Variants in ITPK1 observed in about 807,000 individuals in gnomAD.
ITPK1 encodes inositol 1,3,4-trisphosphate 5/6-kinase.
ITPK1 carries 21 observed loss-of-function variants against 45.3 expected under a neutral mutation model. The ratio of observed to expected loss-of-function variants is 0.46; its 90% CI spans 0.33 to 0.67. The LOEUF (loss-of-function observed/expected upper bound fraction) is 0.67, where lower values mean the gene tolerates loss of function less well. Among genes scored for constraint, ITPK1 ranks in the 30% least tolerant of loss-of-function variants. ITPK1 has a pLI of 0.02. For synonymous variants in ITPK1, 258 were observed against 253.6 expected (o/e 1.02, Z -0.16); for missense variants, 474 against 573.5 (o/e 0.83, Z 1.77).
chr14:92,997,312 G>C lies in ITPK1; in HGVS notation c.247-3315C>G, dbSNP rs1241451425. Among the ~76,000 whole-genome samples the C allele has an allele frequency of 2.6e-5, 4 of 152,194 alleles. No individual in the cohort carries two copies. The East Asian group carries it at 7.7e-4, about 29-fold the overall frequency. ...GCGTTAGGACAGTGACCTTTAAAGA[G>C]AGAACTCAGATTCATTAAGACATGA... On this transcript the variant is annotated intron_variant, in intron 4 of 10. Coordinates refer to ENST00000267615, the MANE Select transcript of ITPK1 (RefSeq NM_014216.6).
chr14:92,988,685 C>T (rs1290153454), intron 5 of ITPK1, among the ~76,000 whole-genome samples: 1 of 152,164 alleles, frequency 6.6e-6, no homozygotes, highest in East Asian at 1.9e-4. Flanking sequence ...GCTTGGGAAC[C>T]ACTGGCTAAG....
intron 2 of ITPK1, among the ~76,000 whole-genome samples, chr14:93,086,575 CA>C (rs2139999083): frequency 6.6e-6 from 1 of 152,304 alleles, no homozygotes; most frequent in South Asian, 2.1e-4. Context: ...TGCTAGCTGC[CA>C]CAGGGCAGAC....
At chr14:93,051,278 T>G (rs1441575433) in intron 3 of ITPK1, among the ~76,000 whole-genome samples, 1 of 152,194 alleles carries the variant, frequency 6.6e-6, no homozygotes, top group Non-Finnish European at 1.5e-5. Flanking sequence ...CAAATGTCTT[T>G]CCTGAAATGA....
In ITPK1 at chr14:93,034,691, A is replaced by G. The variant is rs1379166190; in HGVS notation, c.121-17890T>C. Among the ~76,000 whole-genome samples, 1 of 152,248 alleles carries G rather than the reference A, an allele frequency of 6.6e-6. No homozygotes were observed. The highest frequency in any genetic ancestry group is 1.5e-5 in the Non-Finnish European group (1 of 68,038). The stretch of plus-strand genomic sequence containing the variant: ...ATGACCCACCAAGCAAGGGAGAAGC[A>G]GACACTGAGATGGAAGCGGCAGCTG... On this transcript the variant is annotated intron_variant, in intron 3 of 10. Coordinates refer to ENST00000267615, the MANE Select transcript of ITPK1 (RefSeq NM_014216.6). This position sits in a 1 kb window ranked among gnomAD's most constrained non-coding sequence, Gnocchi z 4.1.
At chr14:93,039,394 G>A (rs1889463907) in intron 3 of ITPK1, among the ~76,000 whole-genome samples, 1 of 152,146 alleles carries the variant, frequency 6.6e-6, no homozygotes, top group South Asian at 2.1e-4. Context: ...TGTAATCTCA[G>A]CACTTTGGGA....
At chr14:92,954,940 A>C (rs1392013047) in intron 8 of ITPK1, among the ~76,000 whole-genome samples, 1 of 152,192 alleles carries the variant, frequency 6.6e-6, no homozygotes, top group Non-Finnish European at 1.5e-5. Flanking sequence ...ATCTCAGGCC[A>C]CAGTTGACCC....
intron 2 of ITPK1, among the ~76,000 whole-genome samples, chr14:93,097,683 C>T (rs8003043): frequency 0.27 from 40,489 of 152,146 alleles, 6,198 homozygotes; most frequent in African/African-American, 0.43. Flanking sequence ...CACAAAGATG[C>T]CCAATGCAGC....
intron 4 of ITPK1, among the ~76,000 whole-genome samples, chr14:93,002,132 C>T (rs1271241244): frequency 2.0e-5 from 3 of 152,160 alleles, no homozygotes; most frequent in Non-Finnish European, 4.4e-5. Flanking sequence ...GGCAAGTGGA[C>T]TGCTTGAGTC....
chr14:93,049,351 G>C (rs1183281454), intron 3 of ITPK1, among the ~76,000 whole-genome samples: 1 of 152,212 alleles, frequency 6.6e-6, no homozygotes, highest in African/African-American at 2.4e-5. Context: ...CTCAGAGGAG[G>C]TGAGGGGACA....
chr14:92,994,490 C>T (rs1424390474), intron 4 of ITPK1, among the ~76,000 whole-genome samples: 1 of 152,212 alleles, frequency 6.6e-6, no homozygotes, highest in East Asian at 1.9e-4. Context: ...TACCTACTAG[C>T]TTTGGGGTAG....
chr14:93,085,409 C>T (rs1003799883), intron 2 of ITPK1, among the ~76,000 whole-genome samples: 8 of 152,170 alleles, frequency 5.3e-5, no homozygotes, highest in African/African-American at 1.2e-4. Flanking sequence ...AAAGTCCGGG[C>T]GCCCCTCAGT....
chr14:92,996,013 G>T (rs1382481208), intron 4 of ITPK1, among the ~76,000 whole-genome samples: 10 of 152,206 alleles, frequency 6.6e-5, no homozygotes, highest in Non-Finnish European at 1.5e-4. Flanking sequence ...TGCAGTCCAT[G>T]CTTCCAAGAG....
At chr14:93,104,084 T>C (rs1447019630) in intron 2 of ITPK1, among the ~76,000 whole-genome samples, 1 of 152,062 alleles carries the variant, frequency 6.6e-6, no homozygotes, top group Non-Finnish European at 1.5e-5. Flanking sequence ...CACCTTACAG[T>C]TGGGAGGGCA....
intron 5 of ITPK1, among the ~76,000 whole-genome samples, chr14:92,974,222 TAG>T (rs1314804225): frequency 6.6e-6 from 1 of 152,092 alleles, no homozygotes; most frequent in East Asian, 1.9e-4. Flanking sequence ...GCTGGATTTG[TAG>T]GGGATTTGGG....
intron 3 of ITPK1, among the ~76,000 whole-genome samples, chr14:93,047,074 T>A (rs1889810003): frequency 6.6e-6 from 1 of 152,214 alleles, no homozygotes; most frequent in African/African-American, 2.4e-5. Flanking sequence ...ATCAGACCAA[T>A]GGACCACTCC....
At chr14:92,945,457 T>C (rs1218059360) in intron 10 of ITPK1, among the ~76,000 whole-genome samples, 3 of 152,188 alleles carry the variant, frequency 2.0e-5, no homozygotes, top group East Asian at 3.9e-4. Flanking sequence ...CTGAACGTTT[T>C]TGCACCTCAG....
rs375246767 is a variant in ITPK1, at chr14:93,049,475, G to T, written c.120+27120C>A. The stretch of plus-strand genomic sequence containing the variant: ...CAGGTGTTGCTGGTGTCTGAGTTGG[G>T]AATGGCAGGGGGTGAGGCTGCCTGG... On this transcript the variant is annotated intron_variant, in intron 3 of 10. Transcript: ENST00000267615. Among the ~76,000 whole-genome samples the T allele has an allele frequency of 9.2e-5, 14 of 152,316 alleles. 1 individual carries two copies. The highest frequency in any genetic ancestry group is 3.1e-4 in the African/African-American group (13 of 41,580).
At chr14:93,088,303 G>A (rs1891726162) in intron 2 of ITPK1, among the ~76,000 whole-genome samples, 1 of 151,164 alleles carries the variant, frequency 6.6e-6, no homozygotes, top group African/African-American at 2.4e-5. Context: ...CACTGGGTGG[G>A]TACAATGGTT....
At chr14:93,003,350 T>C (rs1566728098) in intron 4 of ITPK1, among the ~76,000 whole-genome samples, 2 of 152,122 alleles carry the variant, frequency 1.3e-5, no homozygotes, top group African/African-American at 4.8e-5. Flanking sequence ...GTTGATTAAC[T>C]TGTCATCAAC....
Sources: allele counts gnomAD v4.1 joint callset (sites outside exome capture counted in the v4.1 genomes callset), GRCh38; gene constraint gnomAD v4.1.1; non-coding constraint Gnocchi (gnomAD v3.1); transcripts MANE v1.5; gene names NCBI Gene and HGNC (gene_info 2026-07-23, HGNC 2026-07-21).